The following TRIM33 variants were observed in gnomAD, a reference collection of about 807,000 sequenced individuals.
The protein encoded by TRIM33 is tripartite motif containing 33.
A neutral mutation model predicts 125.4 loss-of-function variants in TRIM33; 20 were observed. That is an observed-to-expected ratio of 0.16 (90% CI 0.11 to 0.23). TRIM33 has a LOEUF of 0.23. TRIM33 is among the 10% of genes least tolerant of loss of function. TRIM33 has a pLI of 1.00. For synonymous variants in TRIM33, 564 were observed against 513.9 expected (o/e 1.10, Z -1.32); for missense variants, 920 against 1,411.4 (o/e 0.65, Z 5.58).
intron 4 of TRIM33, chr1:114,460,494 A>C (rs1326938082): frequency 6.6e-6 from 1 of 151,680 alleles, no homozygotes; most frequent in African/African-American, 2.4e-5. Flanking sequence ...GAGGAGAGAG[A>C]TAACACCCTA....
intron 10 of TRIM33, 130 bp downstream of exon 10, chr1:114,424,461 G>C: frequency 1.4e-6 from 1 of 693,748 alleles, no homozygotes; most frequent in East Asian, 3.0e-5. Flanking sequence ...ATTTTTCTGG[G>C]ACAAGAGGAT....
At chr1:114,490,140 A>G (rs145915367) in intron 1 of TRIM33, among the ~76,000 whole-genome samples, 6 of 151,636 alleles carry the variant, frequency 4.0e-5, no homozygotes, top group Non-Finnish European at 5.9e-5. Flanking sequence ...AGACAAGAAA[A>G]AAAAAATTAA....
chr1:114,438,036 A>C (rs1331163639), intron 4 of TRIM33, among the ~76,000 whole-genome samples: 1 of 152,174 alleles, frequency 6.6e-6, no homozygotes, highest in Non-Finnish European at 1.5e-5. Context: ...AGCCCAGGTC[A>C]AGGCCAGTCT....
chr1:114,463,083 A>G (rs766207341), intron 4 of TRIM33, 21 bp downstream of exon 4: 17 of 1,555,646 alleles, frequency 1.1e-5, no homozygotes, highest in Non-Finnish European at 1.5e-5. Flanking sequence ...ATTTCCTGGT[A>G]AGCAATTATG....
chr1:114,498,717 G>GAAA (rs553959635), intron 1 of TRIM33, among the ~76,000 whole-genome samples: 65 of 152,214 alleles, frequency 4.3e-4, no homozygotes, highest in African/African-American at 1.5e-3. Flanking sequence ...GAATGTCAGT[G>GAAA]GAGCAAGAAA....
At position 114,427,166 on chromosome 1, in the gene TRIM33, T is replaced by G. The variant is rs558049849; in HGVS notation, c.1420+11A>C. The G allele has an allele frequency of 5.2e-6, 7 of 1,355,322 alleles. No individual in the cohort carries two copies. Among genetic ancestry groups the G allele is most frequent in the Non-Finnish European group, 5.2e-6 (5 of 959,632 alleles). 84.0% of individuals were successfully genotyped at this position (1,355,322 alleles called of 1,614,324 possible). A position where few individuals can be genotyped will look rare whatever the true frequency, so the allele number is the denominator to read the frequency against. ...TTCCAAGTTATATTCATAAAACTCA[T>G]TATTTCTCACCTAAATTGACTACAT... On this transcript the variant is annotated intron_variant, in intron 8 of 19. Coordinates refer to ENST00000358465, the MANE Select transcript of TRIM33 (RefSeq NM_015906.4).
chr1:114,427,587 G>C (rs1647673560), intron 7 of TRIM33, among the ~76,000 whole-genome samples, 161 bp downstream of exon 7: 1 of 152,126 alleles, frequency 6.6e-6, no homozygotes, highest in Non-Finnish European at 1.5e-5. Flanking sequence ...CTGCCTAGTG[G>C]AATGAGGAAA....
At chr1:114,451,614 C>G (rs1461164786) in intron 4 of TRIM33, among the ~76,000 whole-genome samples, 1 of 151,142 alleles carries the variant, frequency 6.6e-6, no homozygotes, top group African/African-American at 2.4e-5. Flanking sequence ...AAATCGAAGA[C>G]TTCAATTAAA....
At position 114,437,427 on chromosome 1, in the gene TRIM33, C is replaced by T. The variant is rs578189611; in HGVS notation, c.924-3694G>A. On this transcript the variant is annotated intron_variant, in intron 4 of 19. Coordinates refer to ENST00000358465, the MANE Select transcript of TRIM33 (RefSeq NM_015906.4). Reference sequence around the variant, plus strand: ...GATTTCGGCTCACTGCAACTTGTACCTCCTGGGTGCAAGCGATTCTCCTGC... The same window carrying T: ...GATTTCGGCTCACTGCAACTTGTACTTCCTGGGTGCAAGCGATTCTCCTGC... Among the ~76,000 whole-genome samples, 66 of 152,292 alleles carry T rather than the reference C, an allele frequency of 4.3e-4. 2 individuals carry two copies. The highest frequency in any genetic ancestry group is 4.1e-3 in the Admixed American group (63 of 15,306).
chr1:114,411,962 A>AAAAAAAGTAAAAGT (rs1454097808), intron 11 of TRIM33, among the ~76,000 whole-genome samples: 9 of 152,234 alleles, frequency 5.9e-5, no homozygotes, highest in African/African-American at 1.9e-4. Flanking sequence ...AAAAGTAAAA[A>AAAAAAAGTAAAAGT]CACAGTCCAA....
chr1:114,408,601 T>C, intron 13 of TRIM33, 76 bp downstream of exon 13: 1 of 948,632 alleles, frequency 1.1e-6, no homozygotes, highest in African/African-American at 1.7e-5. Context: ...GGGTTCACTG[T>C]AATATTCTAC....
intron 1 of TRIM33, among the ~76,000 whole-genome samples, chr1:114,508,103 C>T (rs1414817356): frequency 1.3e-5 from 2 of 151,926 alleles, no homozygotes; most frequent in East Asian, 1.9e-4. Flanking sequence ...AGCAACAGAG[C>T]GAGACTGTCT....
chr1:114,450,726 G>A (rs1230138744), intron 4 of TRIM33, among the ~76,000 whole-genome samples: 4 of 151,976 alleles, frequency 2.6e-5, no homozygotes, highest in Non-Finnish European at 5.9e-5. Context: ...TTTCATTGCT[G>A]GTTTTGGAAA....
At chr1:114,438,397 C>G (rs972287586) in intron 4 of TRIM33, among the ~76,000 whole-genome samples, 1 of 152,106 alleles carries the variant, frequency 6.6e-6, no homozygotes, top group Non-Finnish European at 1.5e-5. Flanking sequence ...ATCGATCACC[C>G]ATTTTCAAGA....
rs531829910 is a variant in TRIM33, at chr1:114,483,587, A to G, written c.527-19199T>C. The stretch of plus-strand genomic sequence containing the variant: ...CCACCACGCTCAGCTAATTTTTTGT[A>G]TTTTTAGTAGAGACGGGGTTTCGCC... On this transcript the variant is annotated intron_variant, in intron 1 of 19. Coordinates refer to ENST00000358465, the MANE Select transcript of TRIM33 (RefSeq NM_015906.4). 2.4e-4 allele frequency among the ~76,000 whole-genome samples: 36 copies of G among 151,636 alleles called. 1 individual carries two copies. Among genetic ancestry groups the G allele is most frequent in the African/African-American group, 8.7e-4 (36 of 41,340 alleles).
chr1:114,405,336 G>T, intron 15 of TRIM33, 74 bp downstream of exon 15: 2 of 1,189,572 alleles, frequency 1.7e-6, no homozygotes, highest in Non-Finnish European at 2.4e-6. Context: ...AAGGCCATCT[G>T]CCCTGAACAT....
chr1:114,479,485 C>T (rs1305127471), intron 1 of TRIM33, among the ~76,000 whole-genome samples: 1 of 151,998 alleles, frequency 6.6e-6, no homozygotes, highest in Non-Finnish European at 1.5e-5. Context: ...ATTCAAACTA[C>T]AAATTATAAA....
At chr1:114,475,390 A>C (rs755162666) in intron 1 of TRIM33, among the ~76,000 whole-genome samples, 1 of 152,212 alleles carries the variant, frequency 6.6e-6, no homozygotes, top group African/African-American at 2.4e-5. Flanking sequence ...GTAATAAAGG[A>C]TAAGTCTTAG....
At position 114,414,797 on chromosome 1, in the gene TRIM33, C is replaced by T. The variant is rs141870872; in HGVS notation, c.2062-4481G>A. On this transcript the variant is annotated intron_variant, in intron 11 of 19. Transcript: ENST00000358465. Reference sequence around the variant, plus strand: ...AGTACTCAACACACTTGGATGAATGCTTATAATTTTCCTATTAAGCATAAT... The same window carrying T: ...AGTACTCAACACACTTGGATGAATGTTTATAATTTTCCTATTAAGCATAAT... Among the ~76,000 whole-genome samples the T allele has an allele frequency of 7.7e-4, 117 of 152,176 alleles. No individual in the cohort carries two copies. In the Middle Eastern group the frequency reaches 0.027, roughly 35 times the overall value.
Sources: gnomAD v4.1 joint callset for allele counts (sites outside exome capture counted in the v4.1 genomes callset) on GRCh38, gnomAD v4.1.1 for gene constraint, MANE v1.5 for transcripts, NCBI Gene and HGNC (gene_info 2026-07-23, HGNC 2026-07-21) for gene names.